Variants in ZDHHC14 observed in about 807,000 individuals in gnomAD.
ZDHHC14 encodes zDHHC palmitoyltransferase 14, also known as palmitoyltransferase ZDHHC14.
ZDHHC14 carries 16 observed loss-of-function variants against 47.7 expected under a neutral mutation model. The observed-to-expected ratio is 0.34, with a 90% CI of 0.23 to 0.51. ZDHHC14 has a LOEUF of 0.51. ZDHHC14 is among the 20% of genes least tolerant of loss of function. The pLI, the probability that ZDHHC14 is intolerant of heterozygous loss-of-function variation, is 0.97. For synonymous variants in ZDHHC14, 293 were observed against 278.9 expected, an observed-to-expected ratio of 1.05 and a Z score of -0.50; for missense variants, 515 against 662.5, an observed-to-expected ratio of 0.78 and a Z score of 2.44.
At chr6:157,524,880 C>T (rs1470362901) in intron 1 of ZDHHC14, among the ~76,000 whole-genome samples, 1 of 152,228 alleles carries the variant, frequency 6.6e-6, no homozygotes, top group Non-Finnish European at 1.5e-5. Flanking sequence ...GACAGAACCA[C>T]CTGTGTTAGT....
chr6:157,455,357 A>G (rs1220696209), intron 1 of ZDHHC14, among the ~76,000 whole-genome samples: 1 of 152,232 alleles, frequency 6.6e-6, no homozygotes, highest in Non-Finnish European at 1.5e-5. Flanking sequence ...GAACTGAGAA[A>G]AGACAAAAGC....
rs955514928 is a variant in ZDHHC14, at chr6:157,548,772, G to C, written c.406+6027G>C. Among the ~76,000 whole-genome samples the C allele has an allele frequency of 1.3e-3, 194 of 152,204 alleles. 1 individual carries two copies. Among genetic ancestry groups the C allele is most frequent in the African/African-American group, 4.5e-3 (185 of 41,452 alleles). On this transcript the variant is annotated intron_variant, in intron 2 of 8. Coordinates refer to ENST00000359775, the MANE Select transcript of ZDHHC14 (RefSeq NM_024630.3). ...CTGGCCTGTTCTTGACCGTCACTGT[G>C]ATGCCGCCTCAGTAGCCTTTGGGCT... is the stretch of plus-strand genomic sequence containing the variant.
chr6:157,614,120 C>A (rs558827050), intron 3 of ZDHHC14, among the ~76,000 whole-genome samples: 64 of 152,230 alleles, frequency 4.2e-4, no homozygotes, highest in Non-Finnish European at 7.2e-4. Context: ...GTGAAGACAC[C>A]GCAGCTCTTG....
chr6:157,644,460 G>A (rs548638066), intron 5 of ZDHHC14, among the ~76,000 whole-genome samples: 10 of 152,328 alleles, frequency 6.6e-5, no homozygotes, highest in Admixed American at 6.5e-4. Context: ...ACCACTCCCC[G>A]CTACCGTCTC....
chr6:157,670,346 T>C (rs574279793), intron 8 of ZDHHC14, among the ~76,000 whole-genome samples: 1 of 152,300 alleles, frequency 6.6e-6, no homozygotes, highest in East Asian at 1.9e-4. Flanking sequence ...CAGGCTGGAG[T>C]ACAGTGGCGT....
chr6:157,459,504 A>G (rs1362884671), intron 1 of ZDHHC14, among the ~76,000 whole-genome samples: 3 of 152,210 alleles, frequency 2.0e-5, no homozygotes, highest in Admixed American at 6.5e-5. Flanking sequence ...AGTGTGAACA[A>G]GCTTTGCACA....
intron 8 of ZDHHC14, among the ~76,000 whole-genome samples, chr6:157,655,009 A>G (rs1288978033): frequency 2.0e-5 from 3 of 152,164 alleles, no homozygotes; most frequent in African/African-American, 7.2e-5. Context: ...TGCTGGGATG[A>G]CGGGCGTGAG....
chr6:157,417,317 A>C (rs1337524049), intron 1 of ZDHHC14, among the ~76,000 whole-genome samples: 2 of 152,190 alleles, frequency 1.3e-5, no homozygotes, highest in Non-Finnish European at 2.9e-5. Flanking sequence ...GATGTGGATA[A>C]AAGCATGTGT....
At chr6:157,477,033 A>G (rs1478930074) in intron 1 of ZDHHC14, among the ~76,000 whole-genome samples, 1 of 152,210 alleles carries the variant, frequency 6.6e-6, no homozygotes, top group Non-Finnish European at 1.5e-5. Flanking sequence ...TCAACATAGT[A>G]CTGGAAGTCC....
intron 1 of ZDHHC14, among the ~76,000 whole-genome samples, chr6:157,387,717 A>C (rs1777345681): frequency 6.6e-6 from 1 of 152,232 alleles, no homozygotes; most frequent in South Asian, 2.1e-4. Context: ...TGATCAACAC[A>C]TGTCAGTTCC....
At chr6:157,523,080 A>G (rs973650406) in intron 1 of ZDHHC14, among the ~76,000 whole-genome samples, 2 of 148,828 alleles carry the variant, frequency 1.3e-5, no homozygotes, top group Non-Finnish European at 3.0e-5. Context: ...GGCTGTGTTG[A>G]TCTCCAGACT....
intron 2 of ZDHHC14, among the ~76,000 whole-genome samples, chr6:157,571,550 G>T (rs1783096294): frequency 1.3e-5 from 2 of 152,184 alleles, no homozygotes; most frequent in Non-Finnish European, 1.5e-5. Context: ...CTCTTTGGGT[G>T]ACGGGAGCAT....
At chr6:157,486,366 A>G (rs1484250732) in intron 1 of ZDHHC14, among the ~76,000 whole-genome samples, 2 of 152,230 alleles carry the variant, frequency 1.3e-5, no homozygotes, top group African/African-American at 4.8e-5. Context: ...TATCTTGGGC[A>G]GTCGACAAAT....
At chr6:157,453,788 T>TTTTTTTTTTTTGTGTGTGTGTGTGTGTG (rs3220439) in intron 1 of ZDHHC14, among the ~76,000 whole-genome samples, 7 of 148,194 alleles carry the variant, frequency 4.7e-5, no homozygotes, top group African/African-American at 1.8e-4. Flanking sequence ...TTTTTGTGTT[T>TTTTTTTTTTTTGTGTGTGTGTGTGTGTG]TGTGTGTGTG....
At chr6:157,397,041 CA>C (rs1211566870) in intron 1 of ZDHHC14, among the ~76,000 whole-genome samples, 1 of 152,196 alleles carries the variant, frequency 6.6e-6, no homozygotes, top group Non-Finnish European at 1.5e-5. Flanking sequence ...ACAATGTCAT[CA>C]CCTTGAACCT....
chr6:157,669,790 G>C (rs1387151042), intron 8 of ZDHHC14, among the ~76,000 whole-genome samples: 1 of 152,256 alleles, frequency 6.6e-6, no homozygotes, highest in African/African-American at 2.4e-5. Context: ...CTTGCCAGCT[G>C]AGCTCTCTGA....
intron 5 of ZDHHC14, among the ~76,000 whole-genome samples, chr6:157,645,526 G>C (rs1022470448): frequency 2.0e-5 from 3 of 152,148 alleles, no homozygotes; most frequent in African/African-American, 4.8e-5. Flanking sequence ...GCTGCTCCAC[G>C]CCGGGGCAGG....
At chr6:157,399,547 A>G (rs1777589221) in intron 1 of ZDHHC14, among the ~76,000 whole-genome samples, 1 of 152,220 alleles carries the variant, frequency 6.6e-6, no homozygotes, top group Admixed American at 6.5e-5. Context: ...TTGTTATTGT[A>G]CTTAGATGAA....
chr6:157,448,473 T>C (rs374789559), intron 1 of ZDHHC14, among the ~76,000 whole-genome samples: 3 of 152,356 alleles, frequency 2.0e-5, no homozygotes, highest in Admixed American at 6.5e-5. Flanking sequence ...ATTTTTTCAG[T>C]CTAAAATGTA....
Sources: allele counts gnomAD v4.1 joint callset (sites outside exome capture counted in the v4.1 genomes callset), GRCh38; gene constraint gnomAD v4.1.1; transcripts MANE v1.5; gene names NCBI Gene and HGNC (gene_info 2026-07-23, HGNC 2026-07-21).